FYCO1: variants seen among roughly 807,000 people sequenced by gnomAD.
The protein encoded by FYCO1 is FYVE and coiled-coil domain-containing protein 1.
Under a neutral mutation model 165.1 loss-of-function variants are expected in FYCO1, and 122 were observed. The ratio of observed to expected loss-of-function variants is 0.74; its 90% confidence interval spans 0.64 to 0.86. The LOEUF (loss-of-function observed/expected upper bound fraction) is 0.86, where lower values mean the gene tolerates loss of function less well. Ranked by LOEUF, FYCO1 falls within the 40% of genes least tolerant of loss-of-function variation. FYCO1 has a pLI of 0.00. For synonymous variants in FYCO1, 648 were observed against 742.5 expected, an observed-to-expected ratio of 0.87 and a Z score of 2.07; for missense variants, 1,702 against 1,810.3, an observed-to-expected ratio of 0.94 and a Z score of 1.09.
At chr3:45,983,038 C>G (rs938883845) in intron 2 of FYCO1, among the ~76,000 whole-genome samples, 1 of 152,202 alleles carries the variant, frequency 6.6e-6, no homozygotes, top group Non-Finnish European at 1.5e-5. Context: ...ATTTTCAGCT[C>G]TAATCTCTGA....
chr3:45,923,863 G>A, intron 16 of FYCO1, 98 bp from the exon 17 acceptor site: 1 of 827,226 alleles, frequency 1.2e-6, no homozygotes, highest in East Asian at 2.4e-5. Flanking sequence ...GAGGCTGAGT[G>A]TGTTGCCTGA....
chr3:45,954,601 C>T (rs1331361060), intron 14 of FYCO1, among the ~76,000 whole-genome samples: 1 of 152,240 alleles, frequency 6.6e-6, no homozygotes, highest in Admixed American at 6.5e-5. Flanking sequence ...GCTGAATCGT[C>T]TCCCCATGCC....
At chr3:45,928,245 A>G (rs1368897369) in intron 16 of FYCO1, among the ~76,000 whole-genome samples, 1 of 152,214 alleles carries the variant, frequency 6.6e-6, no homozygotes, top group African/African-American at 2.4e-5. Context: ...ATCTCAATAA[A>G]GCTGTTTTAA....
At chr3:45,936,660 T>C (rs1447226722) in intron 14 of FYCO1, 117 bp from the exon 15 acceptor site, 5 of 772,704 alleles carry the variant, frequency 6.5e-6, no homozygotes, top group Non-Finnish European at 1.2e-5. Context: ...GGGGGATCCT[T>C]TAATCATAGA....
intron 14 of FYCO1, chr3:45,947,485 A>G: frequency 6.2e-7 from 1 of 1,614,016 alleles, no homozygotes; most frequent in Non-Finnish European, 8.5e-7. Context: ...CACAATGTGG[A>G]GGCCACCAGC....
Position 45,958,559 on chromosome 3 carries a change from A to G in FYCO1, c.3648T>C (p.Gly1216=), listed in dbSNP as rs1318587689. The part of the protein sequence containing the change: ...CCNNYVLSKH[G]GKKERCCRAC... The stretch of plus-strand genomic sequence containing the variant: ...CTCGGCAGCAGCGCTCCTTTTTGCC[A>G]CCGTGCTTGCTCAGGACGTAGTTGT... Residue 1216 remains glycine (G), a synonymous_variant, in exon 13 of 18, where the codon GGT becomes GGC. Transcript: ENST00000296137. 6.2e-7 allele frequency: 1 copy of G among 1,614,234 alleles called. No individual in the cohort carries two copies. Among genetic ancestry groups the G allele is most frequent in the Admixed American group, 1.7e-5 (1 of 60,034 alleles).
At chr3:45,959,752 C>A (rs1320162075) in intron 11 of FYCO1, among the ~76,000 whole-genome samples, 1 of 152,186 alleles carries the variant, frequency 6.6e-6, no homozygotes, top group African/African-American at 2.4e-5. Flanking sequence ...TGAGAACATG[C>A]GGGAGGCAAA....
Position 45,964,708 on chromosome 3 carries a change from A to C in FYCO1, c.3151-254T>G, listed in dbSNP as rs1705897403. 4.3e-6 allele frequency: 1 copy of C among 232,092 alleles called. No individual in the cohort carries two copies. The allele number at this position is 232,092 out of a possible 1,614,324, so 14.4% of individuals were successfully genotyped here. On this transcript the variant is annotated intron_variant, in intron 9 of 17. Coordinates refer to ENST00000296137, the MANE Select transcript of FYCO1 (RefSeq NM_024513.4). The surrounding 1 kb of genome is among the most constrained non-coding windows in gnomAD (Gnocchi z 4.1). ...ACTGAAGGTAGGGGTGGCAGGGAGC[A>C]GGATTCACCTGAACAAGTCACTGCT...
At chr3:45,977,350 A>T (rs1039198318) in intron 4 of FYCO1, among the ~76,000 whole-genome samples, 61 of 112,634 alleles carry the variant, frequency 5.4e-4, no homozygotes, top group African/African-American at 1.2e-3. Context: ...AACTGAATTA[A>T]ATATATATAT....
intron 14 of FYCO1, chr3:45,938,083 G>A: frequency 2.0e-6 from 1 of 489,950 alleles, no homozygotes. Flanking sequence ...AGCTGTACTT[G>A]GTTCTCCCAA....
intron 16 of FYCO1, among the ~76,000 whole-genome samples, chr3:45,929,227 C>T (rs1177786717): frequency 2.0e-5 from 3 of 152,344 alleles, no homozygotes; most frequent in African/African-American, 7.2e-5. Flanking sequence ...GTACACGGGC[C>T]CCTTCTGCCC....
At chr3:45,950,512 G>A (rs1450381709) in intron 14 of FYCO1, among the ~76,000 whole-genome samples, 1 of 152,100 alleles carries the variant, frequency 6.6e-6, no homozygotes, top group Non-Finnish European at 1.5e-5. Flanking sequence ...AGGGGTGGAG[G>A]CAAAGCGAAG....
intron 4 of FYCO1, among the ~76,000 whole-genome samples, chr3:45,976,151 G>T (rs1224319025): frequency 2.6e-5 from 4 of 152,208 alleles, no homozygotes; most frequent in Non-Finnish European, 5.9e-5. Context: ...GGCATGGATG[G>T]CATAGGAAGG....
intron 6 of FYCO1, among the ~76,000 whole-genome samples, 164 bp from the exon 7 acceptor site, chr3:45,969,929 T>G (rs1486857434): frequency 6.6e-6 from 1 of 152,252 alleles, no homozygotes; most frequent in Non-Finnish European, 1.5e-5. Flanking sequence ...ACAGCTACAC[T>G]GGTCTGTAAC....
chr3:45,950,812 C>T (rs1704966650), intron 14 of FYCO1, among the ~76,000 whole-genome samples: 1 of 152,240 alleles, frequency 6.6e-6, no homozygotes, highest in Non-Finnish European at 1.5e-5. Context: ...TGACAAGCCA[C>T]AGGGTACCTG....
Position 45,967,233 on chromosome 3 carries a change from T to G in FYCO1, c.2101A>C (p.Ile701Leu), listed in dbSNP as rs1306882849. The G allele has an allele frequency of 6.2e-7, 1 of 1,614,114 alleles. No individual in the cohort carries two copies. Among genetic ancestry groups the G allele is most frequent in the Admixed American group, 1.7e-5 (1 of 60,030 alleles). Residue 701 changes from isoleucine (I) to leucine (L), a missense_variant, in exon 8 of 18, where the codon ATT (isoleucine) becomes CTT (leucine). Ile to Leu is a conservative substitution (Grantham distance 5, BLOSUM62 2). Transcript: ENST00000296137. ...CACTCGCCCTCCTTGCTCTGTAGAA[T>G]GGCCTCCTTCTCTGCCATCTGGGCT... ...MKAQMAEKEA[I>L]LQSKEGECQQ...
At position 45,923,655 on chromosome 3, in the gene FYCO1, C is replaced by T; in HGVS notation, c.4361+1G>A. The T allele has an allele frequency of 6.2e-7, 1 of 1,606,968 alleles. No individual in the cohort carries two copies. The highest frequency in any genetic ancestry group is 8.5e-7 in the Non-Finnish European group (1 of 1,173,518). On this transcript the variant is annotated splice_donor_variant, in intron 17 of 17. Coordinates refer to ENST00000296137, the MANE Select transcript of FYCO1 (RefSeq NM_024513.4). LOFTEE classifies it high-confidence loss of function. ...GGAGCTGGTGCCTGAGGTGGCCCTA[C>T]CTTGAGAAGGTATTGTCGAAGATGA...
chr3:45,970,705 T>C (rs893383202), intron 6 of FYCO1, among the ~76,000 whole-genome samples: 1 of 152,174 alleles, frequency 6.6e-6, no homozygotes, highest in African/African-American at 2.4e-5. Flanking sequence ...TGGGCAAAGC[T>C]GTGTTCCACA....
intron 15 of FYCO1, among the ~76,000 whole-genome samples, chr3:45,933,213 T>A (rs1048690890): frequency 1.3e-5 from 2 of 152,218 alleles, no homozygotes; most frequent in Non-Finnish European, 1.5e-5. Context: ...TTCCACTGAG[T>A]GACCTAAGAA....
Sources: allele counts gnomAD v4.1 joint callset (sites outside exome capture counted in the v4.1 genomes callset), GRCh38; gene constraint gnomAD v4.1.1; non-coding constraint Gnocchi (gnomAD v3.1); transcripts MANE v1.5; gene names NCBI Gene and HGNC (gene_info 2026-07-23, HGNC 2026-07-21).